Variants in EMID1 observed in about 807,000 individuals in gnomAD.
EMID1 encodes EMI domain-containing protein 1.
Under a neutral mutation model 60.6 loss-of-function variants are expected in EMID1, and 40 were observed. The ratio of observed to expected loss-of-function variants is 0.66; its 90% CI spans 0.51 to 0.86. The LOEUF is 0.86. Among genes scored for constraint, EMID1 ranks in the 40% least tolerant of loss-of-function variants. The pLI, the probability that EMID1 is intolerant of heterozygous loss-of-function variation, is 0.00. For synonymous variants in EMID1, 242 were observed against 231.0 expected (o/e 1.05, Z -0.43); for missense variants, 585 against 597.1 (o/e 0.98, Z 0.21).
chr22:29,208,870 G>A (rs1157539132), intron 1 of EMID1, among the ~76,000 whole-genome samples: 1 of 152,194 alleles, frequency 6.6e-6, no homozygotes, highest in South Asian at 2.1e-4. Context: ...AGCTGTTAGC[G>A]CTGTGCTAAG....
chr22:29,256,352 C>A (rs1203627290), intron 14 of EMID1, among the ~76,000 whole-genome samples: 2 of 151,266 alleles, frequency 1.3e-5, no homozygotes, highest in African/African-American at 4.9e-5. Context: ...GTAATCCCAG[C>A]TACTCGGGAG....
chr22:29,215,790 TC>T (rs953639823), intron 3 of EMID1, among the ~76,000 whole-genome samples, 160 bp downstream of exon 3: 22 of 151,944 alleles, frequency 1.4e-4, no homozygotes, highest in Non-Finnish European at 2.4e-4. Flanking sequence ...GTGCTTGTTG[TC>T]CCCCCTGCCC....
At chr22:29,219,940 T>G (rs2040230121) in intron 3 of EMID1, among the ~76,000 whole-genome samples, 1 of 152,156 alleles carries the variant, frequency 6.6e-6, no homozygotes, top group South Asian at 2.1e-4. Flanking sequence ...GTCTGAGCTT[T>G]ACTTTGCAGA....
rs112285863 is a variant in EMID1, at chr22:29,230,997, C to T, written c.466-23C>T. ...GTCCTAGTGAGACCCTGGTACCCACCCCGTCCCTGTCTTCCTCTTCAGATG... is the reference window on the plus strand; with the variant it reads ...GTCCTAGTGAGACCCTGGTACCCACTCCGTCCCTGTCTTCCTCTTCAGATG... On this transcript the variant is annotated intron_variant, in intron 5 of 14. Coordinates refer to ENST00000334018, the MANE Select transcript of EMID1 (RefSeq NM_133455.4). The T allele has an allele frequency of 5.9e-4, 950 of 1,606,956 alleles. 7 individuals carry two copies. The highest frequency in any genetic ancestry group is 5.1e-3 in the Middle Eastern group (31 of 6,020).
chr22:29,238,717 C>T (rs1369635699), intron 12 of EMID1, among the ~76,000 whole-genome samples: 1 of 110,636 alleles, frequency 9.0e-6, no homozygotes, highest in Non-Finnish European at 1.7e-5. Flanking sequence ...CCGTGCCCGG[C>T]CATTTTTTTT....
chr22:29,231,734 G>C (rs966568366), intron 7 of EMID1, 52 bp downstream of exon 7: 28 of 1,419,334 alleles, frequency 2.0e-5, no homozygotes, highest in Non-Finnish European at 2.5e-5. Context: ...CCCTCCACCA[G>C]GTGGGCCCTT....
chr22:29,235,106 G>A (rs768463624), intron 12 of EMID1, among the ~76,000 whole-genome samples: 1 of 152,114 alleles, frequency 6.6e-6, no homozygotes, highest in East Asian at 1.9e-4. Context: ...CTAGCACTTT[G>A]GGGGGCTGAG....
chr22:29,214,037 C>A (rs73399056), intron 1 of EMID1, among the ~76,000 whole-genome samples: 1 of 152,188 alleles, frequency 6.6e-6, no homozygotes, highest in Non-Finnish European at 1.5e-5. Flanking sequence ...GTGTAAATAC[C>A]TTTAGCATAT....
chr22:29,254,301 G>A lies in EMID1; in HGVS notation c.1204+14G>A, dbSNP rs1188985793. On this transcript the variant is annotated intron_variant, in intron 14 of 14. Transcript: ENST00000334018. ...TTGGGCTCTATGGTGAGTAGAGACA[G>A]ACAGACGGACAGACGGCCCAGCCCC... The A allele has an allele frequency of 3.1e-6, 5 of 1,609,612 alleles. No homozygotes were observed. The highest frequency in any genetic ancestry group is 2.2e-5 in the East Asian group (1 of 44,880).
chr22:29,253,786 G>A (rs9608745), intron 13 of EMID1: 25,670 of 368,938 alleles, frequency 0.07, 1,034 homozygotes, highest in Non-Finnish European at 0.082. Flanking sequence ...AAGTAAATAA[G>A]CATATAGGTG....
chr22:29,245,338 T>C (rs5763093), intron 13 of EMID1, among the ~76,000 whole-genome samples: 20,924 of 152,156 alleles, frequency 0.14, 1,684 homozygotes, highest in East Asian at 0.23. Flanking sequence ...TACCACCCAG[T>C]CCAGGAGGGG....
rs142703360 is a variant in EMID1 at position 29,247,218 on chromosome 22, G to A, written c.1119+3729G>A. Among the ~76,000 whole-genome samples the A allele has an allele frequency of 3.8e-3, 573 of 151,980 alleles. 6 individuals carry two copies. The highest frequency in any genetic ancestry group is 0.013 in the African/African-American group (524 of 41,466). The stretch of plus-strand genomic sequence containing the variant: ...ACTCCAGGCCTCACGTGATCCACCC[G>A]CCTCAGCCTCCCAAAGTGCTAGGAT... On this transcript the variant is annotated intron_variant, in intron 13 of 14. Transcript: ENST00000334018.
chr22:29,213,667 T>C (rs1341898720), intron 1 of EMID1, among the ~76,000 whole-genome samples: 1 of 152,014 alleles, frequency 6.6e-6, no homozygotes, highest in East Asian at 1.9e-4. Flanking sequence ...CTGCACAGGG[T>C]CACGGGCCCT....
intron 12 of EMID1, among the ~76,000 whole-genome samples, chr22:29,238,966 TG>T (rs925540768): frequency 6.9e-5 from 10 of 144,468 alleles, no homozygotes; most frequent in Non-Finnish European, 1.2e-4. Context: ...CTGACATTTT[TG>T]GGGGGAAAAT....
intron 12 of EMID1, 118 bp from the exon 13 acceptor site, chr22:29,243,327 A>T: frequency 1.0e-6 from 1 of 998,798 alleles, no homozygotes; most frequent in Non-Finnish European, 1.5e-6. Context: ...AATACAAGCT[A>T]CTTTCTGTTT....
intron 10 of EMID1, 176 bp from the exon 11 acceptor site, chr22:29,233,961 A>G (rs1232149413): frequency 1.4e-6 from 1 of 727,214 alleles, no homozygotes; most frequent in African/African-American, 1.8e-5. Flanking sequence ...GTCTGACTCC[A>G]GGATCAGATC....
At chr22:29,246,106 G>A (rs954437959) in intron 13 of EMID1, among the ~76,000 whole-genome samples, 2 of 152,210 alleles carry the variant, frequency 1.3e-5, no homozygotes, top group African/African-American at 4.8e-5. Flanking sequence ...AAGCCTGAAA[G>A]GTGCATTAAC....
rs546243056 is a variant in EMID1 at position 29,255,374 on chromosome 22, C to T, written c.1204+1087C>T. On this transcript the variant is annotated intron_variant, in intron 14 of 14. Transcript: ENST00000334018. The stretch of plus-strand genomic sequence containing the variant: ...ATCATCTGGCCAGGTAATGGCAGGG[C>T]GGGCAGGCAGGGGCAGCCTCTTCCA... 163 of 1,455,190 alleles carry T rather than the reference C, an allele frequency of 1.1e-4. No homozygotes were observed. The East Asian group carries it at 3.4e-3, about 30-fold the overall frequency. 90.1% of individuals were successfully genotyped at this position (1,455,190 alleles called of 1,614,324 possible). A position where few individuals can be genotyped will look rare whatever the true frequency, so the allele number is the denominator to read the frequency against.
At chr22:29,252,583 T>C (rs75522396) in intron 13 of EMID1, among the ~76,000 whole-genome samples, 5,250 of 152,172 alleles carry the variant, frequency 0.035, 315 homozygotes, top group African/African-American at 0.12. Context: ...TTGTCAAGAC[T>C]ATGGACCATA....
Sources: allele counts gnomAD v4.1 joint callset (sites outside exome capture counted in the v4.1 genomes callset), GRCh38; gene constraint gnomAD v4.1.1; transcripts MANE v1.5; gene names NCBI Gene and HGNC (gene_info 2026-07-23, HGNC 2026-07-21).